TCF7L2: variants seen among roughly 807,000 people sequenced by gnomAD.
TCF7L2 encodes transcription factor 7 like 2.
Under a neutral mutation model 77.9 loss-of-function variants are expected in TCF7L2, and 23 were observed. That is an observed-to-expected ratio of 0.30 (90% CI 0.21 to 0.42). The LOEUF (loss-of-function observed/expected upper bound fraction) is 0.42, where lower values mean the gene tolerates loss of function less well. Among genes scored for constraint, TCF7L2 ranks in the 10% least tolerant of loss-of-function variants. The probability of loss-of-function intolerance (pLI) is 1.00; values close to 1 mark genes in which losing one functional copy is unlikely to be tolerated. For missense variants in TCF7L2, 654 were observed against 793.1 expected, an observed-to-expected ratio of 0.82 and a Z score of 2.11; for synonymous variants, 413 against 340.2, an observed-to-expected ratio of 1.21 and a Z score of -2.36.
intron 5 of TCF7L2, among the ~76,000 whole-genome samples, chr10:113,074,237 G>C (rs1490615756): frequency 1.3e-5 from 2 of 152,002 alleles, no homozygotes; most frequent in Non-Finnish European, 2.9e-5. Flanking sequence ...TTTGTATTTG[G>C]ATTATTTCTT....
intron 5 of TCF7L2, among the ~76,000 whole-genome samples, chr10:113,114,415 C>T (rs2063484853): frequency 6.6e-6 from 1 of 151,982 alleles, no homozygotes; most frequent in South Asian, 2.1e-4. Context: ...ACTTTTTGGT[C>T]CTTAGCAGAG....
At chr10:112,993,377 G>T (rs961117592) in intron 4 of TCF7L2, among the ~76,000 whole-genome samples, 1 of 151,834 alleles carries the variant, frequency 6.6e-6, no homozygotes, top group African/African-American at 2.4e-5. Flanking sequence ...GTGGTCGTGG[G>T]CACCTGTAGT....
intron 4 of TCF7L2, among the ~76,000 whole-genome samples, chr10:112,982,009 C>T (rs1035121162): frequency 6.6e-6 from 1 of 152,234 alleles, no homozygotes; most frequent in East Asian, 1.9e-4. Context: ...TCTTATCCCT[C>T]TGTCTTTGCT....
At chr10:113,117,434 C>CCTCCCTCTCT (rs2063975546) in intron 5 of TCF7L2, among the ~76,000 whole-genome samples, 2 of 39,760 alleles carry the variant, frequency 5.0e-5, no homozygotes, top group African/African-American at 2.9e-4. Context: ...TCTCTCTCTC[C>CCTCCCTCTCT]CTCTCTCTCT....
chr10:113,064,580 A>G (rs1207056861), intron 5 of TCF7L2, among the ~76,000 whole-genome samples: 1 of 152,248 alleles, frequency 6.6e-6, no homozygotes, highest in Admixed American at 6.5e-5. Flanking sequence ...GCTGCTGGTG[A>G]AGGTACTACT....
At chr10:113,048,703 G>A (rs749916849) in intron 5 of TCF7L2, among the ~76,000 whole-genome samples, 13 of 152,172 alleles carry the variant, frequency 8.5e-5, no homozygotes, top group Non-Finnish European at 1.9e-4. Flanking sequence ...TATGTGGAAC[G>A]TGGTTGCACA....
At chr10:112,955,470 C>T (rs1360635396) in intron 3 of TCF7L2, among the ~76,000 whole-genome samples, 3 of 152,194 alleles carry the variant, frequency 2.0e-5, no homozygotes, top group Admixed American at 1.3e-4. Flanking sequence ...GCGCTTTCCA[C>T]TTTGTTGATA....
At chr10:113,108,054 C>CT (rs397704768) in intron 5 of TCF7L2, among the ~76,000 whole-genome samples, 1 of 152,020 alleles carries the variant, frequency 6.6e-6, no homozygotes, top group Non-Finnish European at 1.5e-5. Context: ...CTTGGTCTTC[C>CT]TTTGAGAGCC....
At chr10:113,160,522 G>A (rs1013319064) in intron 12 of TCF7L2, 3 of 1,093,908 alleles carry the variant, frequency 2.7e-6, no homozygotes, top group Non-Finnish European at 3.9e-6. Flanking sequence ...GAACCAAGGT[G>A]ATAGAGAAGA....
chr10:112,961,972 C>G (rs12220048), intron 3 of TCF7L2, among the ~76,000 whole-genome samples: 1 of 152,070 alleles, frequency 6.6e-6, no homozygotes, highest in Non-Finnish European at 1.5e-5. Flanking sequence ...CTGCTAGAGT[C>G]TTAAGGAACT....
At chr10:113,003,169 C>T (rs2044799407) in intron 4 of TCF7L2, among the ~76,000 whole-genome samples, 1 of 152,210 alleles carries the variant, frequency 6.6e-6, no homozygotes. Flanking sequence ...ATTGGATATG[C>T]AAGTCGGCCT....
intron 5 of TCF7L2, among the ~76,000 whole-genome samples, chr10:113,078,685 T>C (rs2058990738): frequency 6.6e-6 from 1 of 152,138 alleles, no homozygotes; most frequent in Non-Finnish European, 1.5e-5. Flanking sequence ...TTTGTTGCTC[T>C]TTCTGTAGGT....
At chr10:113,150,902 C>T (rs962662245) in intron 8 of TCF7L2, 96 bp from the exon 9 acceptor site, 14 of 1,510,466 alleles carry the variant, frequency 9.3e-6, no homozygotes, top group East Asian at 6.9e-5. Flanking sequence ...GTGAGTGTTA[C>T]GTGCTGTTTT....
intron 6 of TCF7L2, among the ~76,000 whole-genome samples, chr10:113,142,067 C>G (rs951901075): frequency 1.3e-5 from 2 of 152,200 alleles, no homozygotes; most frequent in African/African-American, 4.8e-5. Context: ...TGCCGTGGCA[C>G]AATTTTGGCT....
At chr10:112,970,382 C>A (rs1333519928) in intron 4 of TCF7L2, among the ~76,000 whole-genome samples, 1 of 151,674 alleles carries the variant, frequency 6.6e-6, no homozygotes, top group Non-Finnish European at 1.5e-5. Context: ...AACTCCTCCA[C>A]CATGAATCAG....
intron 8 of TCF7L2, among the ~76,000 whole-genome samples, chr10:113,150,774 A>C (rs554674977): frequency 5.9e-5 from 9 of 152,382 alleles, no homozygotes; most frequent in African/African-American, 2.2e-4. Flanking sequence ...GTTAAAAATC[A>C]TAATGTCTTA....
intron 5 of TCF7L2, among the ~76,000 whole-genome samples, chr10:113,045,110 G>A (rs1326011389): frequency 6.6e-6 from 1 of 152,150 alleles, no homozygotes; most frequent in African/African-American, 2.4e-5. Flanking sequence ...TGGAAGCGTT[G>A]TCCTTTTAGA....
chr10:113,162,902 G>A (rs1450942544), intron 13 of TCF7L2, among the ~76,000 whole-genome samples: 2 of 151,976 alleles, frequency 1.3e-5, no homozygotes, highest in Non-Finnish European at 2.9e-5. Flanking sequence ...CCTAGGTTGG[G>A]GGTGCTAAGA....
chr10:112,986,867 A>G (rs1458991648), intron 4 of TCF7L2, among the ~76,000 whole-genome samples: 1 of 152,162 alleles, frequency 6.6e-6, no homozygotes, highest in Admixed American at 6.5e-5. Context: ...TATAATTTTA[A>G]TACCTGGACC....
Sources: allele counts gnomAD v4.1 joint callset (sites outside exome capture counted in the v4.1 genomes callset), GRCh38; gene constraint gnomAD v4.1.1; transcripts MANE v1.5; gene names NCBI Gene and HGNC (gene_info 2026-07-23, HGNC 2026-07-21).